Variants in PXDNL observed in about 807,000 individuals in gnomAD.
The protein encoded by PXDNL is probable oxidoreductase PXDNL.
PXDNL carries 145 observed loss-of-function variants against 150.8 expected under a neutral mutation model. The observed-to-expected ratio is 0.96, with a 90% CI of 0.84 to 1.10. PXDNL has a LOEUF of 1.10. PXDNL is among the 50% of genes least tolerant of loss of function. The probability of loss-of-function intolerance (pLI) is 0.00; values close to 1 mark genes in which losing one functional copy is unlikely to be tolerated. For synonymous variants in PXDNL, 757 were observed against 725.7 expected (o/e 1.04, Z -0.69); for missense variants, 2,087 against 1,873.9 (o/e 1.11, Z -2.10).
chr8:51,778,720 T>C (rs186063730), intron 1 of PXDNL, among the ~76,000 whole-genome samples: 8 of 152,364 alleles, frequency 5.3e-5, no homozygotes, highest in Admixed American at 2.6e-4. Flanking sequence ...CGTTCTTCTC[T>C]GCTTTGGAGC....
At chr8:51,523,771 T>C (rs1013977601) in intron 4 of PXDNL, among the ~76,000 whole-genome samples, 15 of 152,184 alleles carry the variant, frequency 9.9e-5, no homozygotes, top group African/African-American at 3.4e-4. Flanking sequence ...AGGAGGTCCC[T>C]CAGGCCCAGG....
intron 19 of PXDNL, among the ~76,000 whole-genome samples, chr8:51,351,255 A>G (rs563923460): frequency 1.3e-5 from 2 of 152,336 alleles, no homozygotes; most frequent in African/African-American, 4.8e-5. Flanking sequence ...AGACTATAAC[A>G]TTATTTGGAA....
At chr8:51,377,995 G>A (rs2130801211) in intron 17 of PXDNL, among the ~76,000 whole-genome samples, 1 of 152,376 alleles carries the variant, frequency 6.6e-6, no homozygotes, top group Non-Finnish European at 1.5e-5. Flanking sequence ...GAGTCTAGTG[G>A]GGACTTGGAG....
intron 6 of PXDNL, among the ~76,000 whole-genome samples, chr8:51,478,045 A>T (rs1167388064): frequency 6.6e-6 from 1 of 152,188 alleles, no homozygotes; most frequent in Non-Finnish European, 1.5e-5. Context: ...GTAAAAGTAT[A>T]CTTTTATATG....
intron 1 of PXDNL, among the ~76,000 whole-genome samples, chr8:51,699,302 C>T (rs1008804812): frequency 4.6e-5 from 7 of 152,290 alleles, no homozygotes; most frequent in African/African-American, 1.2e-4. Context: ...TAAGCACTTG[C>T]ACTTTTATGT....
rs1210353146 is a variant in PXDNL at position 51,339,651 on chromosome 8, C to T, written c.4119G>A (p.Gln1373=). Residue 1373 remains glutamine (Q), a synonymous_variant, in exon 21 of 23, where the codon CAG becomes CAA. Coordinates refer to ENST00000356297, the MANE Select transcript of PXDNL (RefSeq NM_144651.5). ...GCTCTCTGAGTGCTGTGATGGTTTC[C>T]TGAATTTCCGCTGCAAACGTGCTGA... ...QDFSTFAAEI[Q]ETITALREQI... is the part of the protein sequence containing the mutation. 5 of 1,613,446 alleles carry T rather than the reference C, an allele frequency of 3.1e-6. No individual in the cohort carries two copies. The African/African-American group carries it at 6.7e-5, about 22-fold the overall frequency.
intron 1 of PXDNL, among the ~76,000 whole-genome samples, chr8:51,715,141 T>G (rs753027085): frequency 6.6e-6 from 1 of 152,350 alleles, no homozygotes; most frequent in East Asian, 1.9e-4. Flanking sequence ...TTTTTAAAAC[T>G]CTGACAACTC....
chr8:51,363,300 T>G (rs1323736118), intron 19 of PXDNL, among the ~76,000 whole-genome samples: 1 of 150,790 alleles, frequency 6.6e-6, no homozygotes, highest in Non-Finnish European at 1.5e-5. Context: ...AAGACATTAG[T>G]GAAGGTACTG....
At chr8:51,640,144 A>C (rs1814713912) in intron 2 of PXDNL, among the ~76,000 whole-genome samples, 1 of 152,212 alleles carries the variant, frequency 6.6e-6, no homozygotes, top group Admixed American at 6.5e-5. Context: ...CCTTTGACAA[A>C]ATTCAACAAC....
intron 17 of PXDNL, among the ~76,000 whole-genome samples, chr8:51,377,400 C>T (rs1475062024): frequency 2.6e-5 from 4 of 152,170 alleles, no homozygotes; most frequent in African/African-American, 7.2e-5. Context: ...CCTCAGTGGC[C>T]AGAGGCCACT....
intron 8 of PXDNL, among the ~76,000 whole-genome samples, chr8:51,460,849 GGT>G (rs1285738134): frequency 6.6e-6 from 1 of 152,104 alleles, no homozygotes; most frequent in Non-Finnish European, 1.5e-5. Flanking sequence ...TGTGACCATA[GGT>G]GCCCATGCCC....
chr8:51,347,506 T>G (rs16916039), intron 19 of PXDNL, among the ~76,000 whole-genome samples: 8,739 of 152,282 alleles, frequency 0.057, 375 homozygotes, highest in East Asian at 0.19. Context: ...TGTTACTTGT[T>G]TTCTTTTTTA....
At chr8:51,461,213 T>A (rs1420941506) in intron 8 of PXDNL, among the ~76,000 whole-genome samples, 1 of 152,198 alleles carries the variant, frequency 6.6e-6, no homozygotes, top group African/African-American at 2.4e-5. Flanking sequence ...GACTAGAGAT[T>A]GAGCAGAGGA....
At chr8:51,543,181 G>T (rs116729711) in intron 4 of PXDNL, among the ~76,000 whole-genome samples, 2 of 152,086 alleles carry the variant, frequency 1.3e-5, no homozygotes, top group Non-Finnish European at 1.5e-5. Flanking sequence ...AGATCAAAGA[G>T]CTAAGTGCCA....
At chr8:51,553,776 A>T (rs1011142739) in intron 4 of PXDNL, among the ~76,000 whole-genome samples, 1 of 140,164 alleles carries the variant, frequency 7.1e-6, no homozygotes, top group Non-Finnish European at 1.5e-5. Flanking sequence ...ATATATACAC[A>T]CACTGAAAAT....
chr8:51,672,726 A>AAT (rs1371662926), intron 1 of PXDNL, among the ~76,000 whole-genome samples: 1 of 152,186 alleles, frequency 6.6e-6, no homozygotes, highest in African/African-American at 2.4e-5. Flanking sequence ...TTATATTATA[A>AAT]ATTAGTGCCT....
chr8:51,799,632 C>T (rs1412875863), intron 1 of PXDNL, among the ~76,000 whole-genome samples: 1 of 152,140 alleles, frequency 6.6e-6, no homozygotes, highest in Non-Finnish European at 1.5e-5. Context: ...ACTGCAACAG[C>T]TTTTCAACTA....
At chr8:51,623,243 A>C (rs1339757247) in intron 2 of PXDNL, among the ~76,000 whole-genome samples, 1 of 152,028 alleles carries the variant, frequency 6.6e-6, no homozygotes, top group East Asian at 1.9e-4. Flanking sequence ...AGAGAGCAGC[A>C]CTCTGGGCCC....
At chr8:51,756,228 T>C (rs910777267) in intron 1 of PXDNL, among the ~76,000 whole-genome samples, 68 of 152,112 alleles carry the variant, frequency 4.5e-4, no homozygotes, top group African/African-American at 1.6e-3. Flanking sequence ...ATACCATCTC[T>C]GCAAAACATA....
Sources: allele counts gnomAD v4.1 joint callset (sites outside exome capture counted in the v4.1 genomes callset), GRCh38; gene constraint gnomAD v4.1.1; transcripts MANE v1.5; gene names NCBI Gene and HGNC (gene_info 2026-07-23, HGNC 2026-07-21).